Variants in NEURL1B observed in about 807,000 individuals in gnomAD.
NEURL1B encodes E3 ubiquitin-protein ligase NEURL1B.
In NEURL1B, 13 loss-of-function variants were observed where a neutral mutation model predicts 37.4. The observed-to-expected ratio is 0.35, with a 90% CI of 0.23 to 0.55. NEURL1B has a LOEUF of 0.55. NEURL1B is among the 20% of genes least tolerant of loss of function. The pLI is 0.89. For synonymous variants in NEURL1B, 432 were observed against 426.6 expected, an observed-to-expected ratio of 1.01 and a Z score of -0.16; for missense variants, 790 against 879.2, an observed-to-expected ratio of 0.90 and a Z score of 1.28.
chr5:172,649,488 A>G (rs569379214), intron 1 of NEURL1B, among the ~76,000 whole-genome samples: 100 of 150,336 alleles, frequency 6.7e-4, no homozygotes, highest in African/African-American at 2.3e-3. Flanking sequence ...CAGCCTCCCA[A>G]GTAGCTGAGA....
rs1307498918 is a variant in NEURL1B at position 172,670,354 on chromosome 5, CT to C, written c.577+25del. 8.2e-6 allele frequency: 11 copies of C among 1,339,710 alleles called. No homozygotes were observed. In the South Asian group the frequency reaches 1.2e-4, roughly 14 times the overall value. The allele number at this position is 1,339,710 out of a possible 1,614,324, so 83.0% of individuals were successfully genotyped here. ...GGGTAGGTCGCGGGCGCGGCGCCCC[CT>C]GGGGACCTGGCAGCGGTGCCTTTGC... On this transcript the variant is annotated intron_variant, in intron 2 of 4. Transcript: ENST00000369800.
intron 1 of NEURL1B, among the ~76,000 whole-genome samples, chr5:172,659,229 G>A (rs768397433): frequency 1.3e-5 from 2 of 152,188 alleles, no homozygotes; most frequent in Non-Finnish European, 2.9e-5. Context: ...CAGTCCAGGA[G>A]CAAGAACAGT....
At chr5:172,642,167 G>T (rs1180580369) in intron 1 of NEURL1B, among the ~76,000 whole-genome samples, 1 of 152,242 alleles carries the variant, frequency 6.6e-6, no homozygotes, top group Non-Finnish European at 1.5e-5. Context: ...GCCCGCGCGT[G>T]CCCGTGGAGG....
At chr5:172,644,396 G>T (rs917659982) in intron 1 of NEURL1B, among the ~76,000 whole-genome samples, 7 of 152,190 alleles carry the variant, frequency 4.6e-5, no homozygotes, top group African/African-American at 1.4e-4. Context: ...CTGACATGCT[G>T]TGGCCTCCCA....
intron 2 of NEURL1B, among the ~76,000 whole-genome samples, chr5:172,671,047 T>C (rs989717105): frequency 6.6e-6 from 1 of 152,162 alleles, no homozygotes; most frequent in African/African-American, 2.4e-5. Context: ...TTTTTAAAAA[T>C]TGAGGTAAAA....
intron 3 of NEURL1B, among the ~76,000 whole-genome samples, chr5:172,685,842 G>A (rs1202043199): frequency 1.3e-5 from 2 of 152,216 alleles, no homozygotes; most frequent in Admixed American, 6.5e-5. Context: ...CCTTACGGGG[G>A]TTATGTGCCC....
intron 1 of NEURL1B, among the ~76,000 whole-genome samples, chr5:172,667,669 C>T (rs1758041655): frequency 6.6e-6 from 1 of 152,084 alleles, no homozygotes; most frequent in Non-Finnish European, 1.5e-5. Flanking sequence ...TGATCTCTGC[C>T]CTGGAATAAT....
At chr5:172,649,318 G>GCCGAACTC (rs1262607883) in intron 1 of NEURL1B, among the ~76,000 whole-genome samples, 33 of 143,416 alleles carry the variant, frequency 2.3e-4, no homozygotes, top group African/African-American at 8.6e-4. Flanking sequence ...GCGCCCATCT[G>GCCGAACTC]CCGAACTCCT....
intron 2 of NEURL1B, among the ~76,000 whole-genome samples, chr5:172,678,196 T>C (rs1054490714): frequency 6.6e-6 from 1 of 152,210 alleles, no homozygotes; most frequent in Non-Finnish European, 1.5e-5. Context: ...CTTTCCTTTT[T>C]ACTTTCTTAA....
chr5:172,649,967 A>AG (rs34494739), intron 1 of NEURL1B, among the ~76,000 whole-genome samples: 3 of 152,024 alleles, frequency 2.0e-5, no homozygotes, highest in South Asian at 2.1e-4. Flanking sequence ...CTTCTAGGCA[A>AG]GGGGGGGAAA....
rs1758494142 is a variant in NEURL1B at position 172,686,254 on chromosome 5, T to A, written c.1381T>A (p.Phe461Ile). Residue 461 changes from phenylalanine (F) to isoleucine (I), a missense_variant, in exon 4 of 5, where the codon TTC becomes ATC. Around this residue, in one of 3 missense-constraint regions of NEURL1B, gnomAD observed 115 missense variants for 162.6 expected, o/e 0.71. Transcript: ENST00000369800. This position sits in a 1 kb window ranked among gnomAD's most constrained non-coding sequence, Gnocchi z 7.9. ...GGACGATAGTGATTCAGATATGACCTTCAGTGTCAACCAGTCCTCCTCGGC... is the reference window on the plus strand; with the variant it reads ...GGACGATAGTGATTCAGATATGACCATCAGTGTCAACCAGTCCTCCTCGGC... ...SQDDSDSDMTFSVNQSSSASE... is the reference protein window; with the variant it reads ...SQDDSDSDMTISVNQSSSASE... 1.9e-6 allele frequency: 3 copies of A among 1,551,670 alleles called. No individual in the cohort carries two copies. In the East Asian group the frequency reaches 7.3e-5, roughly 38 times the overall value.
At chr5:172,656,505 G>C in intron 1 of NEURL1B, 1 of 1,603,166 alleles carries the variant, frequency 6.2e-7, no homozygotes, top group Non-Finnish European at 8.5e-7. Flanking sequence ...ATCTCCTCAG[G>C]CACAAGGAAC....
rs1023345637 is a variant in NEURL1B, at chr5:172,665,046, T to TG, written c.32-4736dup. Among the ~76,000 whole-genome samples, 5 of 152,174 alleles carry TG rather than the reference T, an allele frequency of 3.3e-5. No individual in the cohort carries two copies. Among genetic ancestry groups the TG allele is most frequent in the African/African-American group, 1.2e-4 (5 of 41,438 alleles). On this transcript the variant is annotated intron_variant, in intron 1 of 4. Coordinates refer to ENST00000369800, the MANE Select transcript of NEURL1B (RefSeq NM_001142651.3). This position sits in a 1 kb window ranked among gnomAD's most constrained non-coding sequence, Gnocchi z 4.1. ...CAGGCCGCTCTTAAAGAACATCTCT[T>TG]GGGATTCCCAAGCCCTTCTGTAAAG...
intron 2 of NEURL1B, among the ~76,000 whole-genome samples, chr5:172,681,082 G>T (rs902225117): frequency 1.3e-5 from 2 of 152,198 alleles, no homozygotes; most frequent in African/African-American, 4.8e-5. Context: ...AGAGTGTGAA[G>T]TGGGGGAGGT....
At chr5:172,659,156 A>C (rs2113282633) in intron 1 of NEURL1B, among the ~76,000 whole-genome samples, 1 of 152,048 alleles carries the variant, frequency 6.6e-6, no homozygotes, top group South Asian at 2.1e-4. Flanking sequence ...TCAGGATGTA[A>C]GTGAGAGACC....
At chr5:172,663,507 G>A (rs1315613118) in intron 1 of NEURL1B, among the ~76,000 whole-genome samples, 1 of 135,190 alleles carries the variant, frequency 7.4e-6, no homozygotes, top group East Asian at 2.1e-4. Context: ...GGGGACAGAG[G>A]AAGACTCCAT....
chr5:172,671,049 G>T (rs1758122166), intron 2 of NEURL1B, among the ~76,000 whole-genome samples: 1 of 152,114 alleles, frequency 6.6e-6, no homozygotes, highest in Non-Finnish European at 1.5e-5. Flanking sequence ...TTTAAAAATT[G>T]AGGTAAAATT....
intron 1 of NEURL1B, among the ~76,000 whole-genome samples, chr5:172,662,867 C>T (rs1348587298): frequency 1.3e-5 from 2 of 151,992 alleles, no homozygotes; most frequent in Non-Finnish European, 1.5e-5. Context: ...GGCACTGTTT[C>T]CTTGACTAAC....
In NEURL1B at chr5:172,686,561, A is replaced by G; in HGVS notation, c.1424-120A>G. On this transcript the variant is annotated intron_variant, in intron 4 of 4. Transcript: ENST00000369800. The surrounding 1 kb of genome is among the most constrained non-coding windows in gnomAD (Gnocchi z 7.9). ...ACCTGCAAGGTAAACTCAAATTAGT[A>G]TCTCCCAAAAGTATTCTCCCACCGG... The G allele has an allele frequency of 8.4e-7, 1 of 1,186,964 alleles. No homozygotes were observed. 73.5% of individuals were successfully genotyped at this position (1,186,964 alleles called of 1,614,324 possible).
Sources: allele counts gnomAD v4.1 joint callset (sites outside exome capture counted in the v4.1 genomes callset), GRCh38; gene constraint gnomAD v4.1.1; regional missense constraint gnomAD v4.1.1; non-coding constraint Gnocchi (gnomAD v3.1); transcripts MANE v1.5; gene names NCBI Gene and HGNC (gene_info 2026-07-23, HGNC 2026-07-21).